The following SPOCK3 variants were observed in gnomAD, a reference collection of about 807,000 sequenced individuals.
The protein encoded by SPOCK3 is testican-3.
In SPOCK3, 30 loss-of-function variants were observed where a neutral mutation model predicts 56.6. The observed-to-expected ratio is 0.53, with a 90% CI of 0.40 to 0.72. The LOEUF (loss-of-function observed/expected upper bound fraction) is 0.72. Ranked by LOEUF, SPOCK3 falls within the 30% of genes least tolerant of loss-of-function variation. The pLI is 0.00. For synonymous variants in SPOCK3, 196 were observed against 183.3 expected (o/e 1.07, Z -0.56); for missense variants, 527 against 530.0 (o/e 0.99, Z 0.06).
rs951490205 is a variant in SPOCK3 at position 166,747,663 on chromosome 4, G to C, written c.932-5604C>G. Among the ~76,000 whole-genome samples the C allele has an allele frequency of 3.3e-5, 5 of 152,102 alleles. No individual in the cohort carries two copies. In the East Asian group the frequency reaches 9.6e-4, roughly 29 times the overall value. ...AATCAGGCAGGAGAAGGAAATAAAGGATATTCAATTAGGAAAAGAGGAAGT... is the reference window on the plus strand; with the variant it reads ...AATCAGGCAGGAGAAGGAAATAAAGCATATTCAATTAGGAAAAGAGGAAGT... On this transcript the variant is annotated intron_variant, in intron 8 of 10. Transcript: ENST00000357545.
intron 7 of SPOCK3, among the ~76,000 whole-genome samples, chr4:166,769,121 G>A (rs929114698): frequency 7.1e-6 from 1 of 140,306 alleles, no homozygotes; most frequent in African/African-American, 2.9e-5. Flanking sequence ...GCTTCTTTTT[G>A]TTGGGTTCAA....
chr4:166,994,217 A>C (rs1332946251), intron 4 of SPOCK3, among the ~76,000 whole-genome samples: 4 of 152,160 alleles, frequency 2.6e-5, no homozygotes, highest in Admixed American at 6.6e-5. Context: ...GTAATAGCTA[A>C]CCCTATCATA....
intron 3 of SPOCK3, among the ~76,000 whole-genome samples, chr4:167,055,519 C>G (rs1754708109): frequency 6.6e-6 from 1 of 152,140 alleles, no homozygotes; most frequent in South Asian, 2.1e-4. Flanking sequence ...CATGGGAAGC[C>G]CAAGGGGTCA....
chr4:166,799,233 G>A (rs949922710), intron 6 of SPOCK3, among the ~76,000 whole-genome samples: 1 of 152,158 alleles, frequency 6.6e-6, no homozygotes, highest in Non-Finnish European at 1.5e-5. Context: ...GCAAAATGGA[G>A]AAGTACTGTT....
intron 6 of SPOCK3, among the ~76,000 whole-genome samples, chr4:166,862,651 A>G (rs1423257192): frequency 6.6e-6 from 1 of 152,084 alleles, no homozygotes; most frequent in African/African-American, 2.4e-5. Flanking sequence ...ATGCTTTGTT[A>G]ATACTACACA....
chr4:167,223,752 C>T (rs1042084891), intron 2 of SPOCK3, among the ~76,000 whole-genome samples: 1 of 151,986 alleles, frequency 6.6e-6, no homozygotes, highest in South Asian at 2.1e-4. Flanking sequence ...GAGTTCGAGA[C>T]CAGCTTGGGC....
intron 3 of SPOCK3, among the ~76,000 whole-genome samples, chr4:167,007,926 A>C (rs1353883014): frequency 6.6e-6 from 1 of 152,052 alleles, no homozygotes; most frequent in African/African-American, 2.4e-5. Context: ...CTATTTCAAA[A>C]TTTTATTTTG....
At chr4:166,897,940 AG>A (rs1212356245) in intron 5 of SPOCK3, among the ~76,000 whole-genome samples, 1 of 152,310 alleles carries the variant, frequency 6.6e-6, no homozygotes, top group East Asian at 1.9e-4. Flanking sequence ...CTGTAATCCC[AG>A]CATTTTGGGA....
intron 4 of SPOCK3, among the ~76,000 whole-genome samples, chr4:166,973,668 T>C (rs2150078352): frequency 6.6e-6 from 1 of 152,294 alleles, no homozygotes; most frequent in African/African-American, 2.4e-5. Flanking sequence ...TTGTCTGCTA[T>C]GCCTGGATTA....
At chr4:166,770,064 C>T (rs1579175717) in intron 7 of SPOCK3, among the ~76,000 whole-genome samples, 1 of 152,110 alleles carries the variant, frequency 6.6e-6, no homozygotes, top group Admixed American at 6.6e-5. Flanking sequence ...GAGAGTGACT[C>T]GATTTTCCAG....
intron 4 of SPOCK3, among the ~76,000 whole-genome samples, chr4:166,954,298 A>G (rs1054331934): frequency 3.3e-5 from 5 of 152,072 alleles, no homozygotes; most frequent in African/African-American, 1.2e-4. Context: ...ACAGAAGCTT[A>G]TAGTTTGATA....
intron 4 of SPOCK3, among the ~76,000 whole-genome samples, chr4:166,950,060 G>A (rs1182108264): frequency 6.6e-6 from 1 of 150,452 alleles, no homozygotes; most frequent in East Asian, 1.9e-4. Context: ...ACTTCATAAT[G>A]ACAGGATCAA....
At chr4:166,782,990 C>T (rs1052521970) in intron 7 of SPOCK3, among the ~76,000 whole-genome samples, 1 of 152,168 alleles carries the variant, frequency 6.6e-6, no homozygotes, top group Non-Finnish European at 1.5e-5. Context: ...CAAGCTGGCA[C>T]ATACTGTGCA....
chr4:167,111,990 G>T (rs1760943813), intron 2 of SPOCK3, among the ~76,000 whole-genome samples: 1 of 151,938 alleles, frequency 6.6e-6, no homozygotes, highest in South Asian at 2.1e-4. Context: ...GAACTCCTGG[G>T]CTCAAGCAAT....
intron 4 of SPOCK3, among the ~76,000 whole-genome samples, chr4:166,948,811 ATT>A (rs1163784446): frequency 6.6e-6 from 1 of 151,782 alleles, no homozygotes; most frequent in African/African-American, 2.4e-5. Context: ...GAATCTGACA[ATT>A]ATGTGTCTTG....
intron 3 of SPOCK3, among the ~76,000 whole-genome samples, chr4:167,005,366 C>T (rs1031645656): frequency 2.6e-5 from 4 of 152,022 alleles, no homozygotes; most frequent in East Asian, 1.9e-4. Context: ...CCCACCACCA[C>T]GCCTGGCTAA....
At chr4:167,037,499 A>G (rs1217131013) in intron 3 of SPOCK3, among the ~76,000 whole-genome samples, 293 of 151,598 alleles carry the variant, frequency 1.9e-3, no homozygotes, top group African/African-American at 6.7e-3. Context: ...AAGAAGAAAA[A>G]AAAAAAAAAA....
intron 2 of SPOCK3, among the ~76,000 whole-genome samples, chr4:167,156,373 C>A (rs1764821005): frequency 6.6e-6 from 1 of 152,156 alleles, no homozygotes; most frequent in African/African-American, 2.4e-5. Flanking sequence ...GCTTCCAGAT[C>A]ACCTCCCAAT....
intron 6 of SPOCK3, among the ~76,000 whole-genome samples, chr4:166,794,093 T>A (rs1027644778): frequency 4.6e-5 from 7 of 150,820 alleles, no homozygotes; most frequent in Non-Finnish European, 8.8e-5. Flanking sequence ...GACAGAGCAA[T>A]GTACAGAATT....
Sources: gnomAD v4.1 joint callset for allele counts (sites outside exome capture counted in the v4.1 genomes callset) on GRCh38, gnomAD v4.1.1 for gene constraint, MANE v1.5 for transcripts, NCBI Gene and HGNC (gene_info 2026-07-23, HGNC 2026-07-21) for gene names.